Variants in MRAP2 observed in about 807,000 individuals in gnomAD.
The protein encoded by MRAP2 is melanocortin 2 receptor accessory protein 2.
A neutral mutation model predicts 17.4 loss-of-function variants in MRAP2; 20 were observed. The ratio of observed to expected loss-of-function variants is 1.15; its 90% CI spans 0.81 to 1.67. The LOEUF (loss-of-function observed/expected upper bound fraction) is 1.67, where lower values mean the gene tolerates loss of function less well. MRAP2 is among the 40% of genes most tolerant of loss of function. MRAP2 has a pLI of 0.00. For missense variants in MRAP2, 238 were observed against 240.0 expected, an observed-to-expected ratio of 0.99 and a Z score of 0.05; for synonymous variants, 96 against 88.4, an observed-to-expected ratio of 1.09 and a Z score of -0.48.
At chr6:84,099,433 G>C in the MRAP2 span, among the ~76,000 whole-genome samples, 6 of 152,052 alleles carry the variant, frequency 3.9e-5, no homozygotes, top group Non-Finnish European at 7.4e-5. Flanking sequence ...ATATAGTCTG[G>C]ATATTTGCCC....
At chr6:84,081,898 G>C (rs1176631921) in intron 3 of MRAP2, among the ~76,000 whole-genome samples, 2 of 152,194 alleles carry the variant, frequency 1.3e-5, no homozygotes, top group Non-Finnish European at 2.9e-5. Flanking sequence ...TGTAAGATGT[G>C]CCTTGCTTTC....
intron 3 of MRAP2, chr6:84,063,464 T>A: frequency 1.0e-6 from 1 of 969,264 alleles, no homozygotes; most frequent in Non-Finnish European, 1.2e-6. Flanking sequence ...TTAATAAATT[T>A]AACAGAGTTT....
At chr6:84,079,551 A>T (rs2099498442) in intron 3 of MRAP2, among the ~76,000 whole-genome samples, 1 of 152,214 alleles carries the variant, frequency 6.6e-6, no homozygotes, top group Non-Finnish European at 1.5e-5. Flanking sequence ...TGGTATGTAA[A>T]CTTTACCCAT....
chr6:84,132,053 T>C, the MRAP2 span, among the ~76,000 whole-genome samples: 1 of 152,178 alleles, frequency 6.6e-6, no homozygotes, highest in African/African-American at 2.4e-5. Context: ...ACAAAATCTC[T>C]CAGCACTTGC....
Position 84,039,954 on chromosome 6 carries a change from C to CAA in MRAP2, c.-8+6071_-8+6072insAA, listed in dbSNP as rs202008434. Among the ~76,000 whole-genome samples, 939 of 152,176 alleles carry CAA rather than the reference C, an allele frequency of 6.2e-3. 15 individuals are homozygous for CAA. The highest frequency in any genetic ancestry group is 0.021 in the African/African-American group (881 of 41,536). Reference sequence around the variant, plus strand: ...TATCTTCTGTGGGGAAAAAAAGAAACGAGAGAGAAAGAAACAAATTTAAGA... The same window carrying CAA: ...TATCTTCTGTGGGGAAAAAAAGAAACAAGAGAGAGAAAGAAACAAATTTAAGA... On this transcript the variant is annotated intron_variant, in intron 1 of 3. Transcript: ENST00000257776.
intron 1 of MRAP2, among the ~76,000 whole-genome samples, chr6:84,038,305 G>C (rs1389272003): frequency 6.6e-6 from 1 of 152,166 alleles, no homozygotes; most frequent in African/African-American, 2.4e-5. Flanking sequence ...TGTGAAACTA[G>C]CTAGCAGTTG....
At chr6:84,076,097 T>C (rs1013818138) in intron 3 of MRAP2, among the ~76,000 whole-genome samples, 1 of 152,116 alleles carries the variant, frequency 6.6e-6, no homozygotes, top group Non-Finnish European at 1.5e-5. Context: ...GGTCTCACTC[T>C]GTCACCCAGG....
chr6:84,135,872 C>CA, the MRAP2 span, among the ~76,000 whole-genome samples: 1 of 152,078 alleles, frequency 6.6e-6, no homozygotes, highest in East Asian at 1.9e-4. Flanking sequence ...AAAAAAACAA[C>CA]AAAAAAATGA....
At chr6:84,143,653 C>T in the MRAP2 span, among the ~76,000 whole-genome samples, 5 of 151,814 alleles carry the variant, frequency 3.3e-5, no homozygotes, top group Admixed American at 6.6e-5. Flanking sequence ...TGAGAATGCA[C>T]GAATATCTTG....
intron 1 of MRAP2, among the ~76,000 whole-genome samples, chr6:84,044,725 C>T (rs1351796239): frequency 6.6e-6 from 1 of 152,156 alleles, no homozygotes; most frequent in Non-Finnish European, 1.5e-5. Flanking sequence ...CTTTAAAGGC[C>T]CTATGTCCAA....
At chr6:84,093,826 T>C (rs2099502200), downstream of MRAP2, among the ~76,000 whole-genome samples, 1 of 152,242 alleles carries the variant, frequency 6.6e-6, no homozygotes, top group Non-Finnish European at 1.5e-5. Context: ...AGTCTAAGTA[T>C]GCATATGGGG....
At chr6:84,112,424 G>T in the MRAP2 span, among the ~76,000 whole-genome samples, 1 of 152,108 alleles carries the variant, frequency 6.6e-6, no homozygotes, top group African/African-American at 2.4e-5. Context: ...ATGGTAGTTT[G>T]TATTTCTGTG....
intron 2 of MRAP2, 122 bp downstream of exon 2, chr6:84,055,567 C>T: frequency 1.0e-6 from 1 of 955,304 alleles, no homozygotes. Flanking sequence ...CCTCTACCTC[C>T]CAAATTCTAC....
chr6:84,074,061 C>T (rs554806108), intron 3 of MRAP2, among the ~76,000 whole-genome samples: 1 of 152,128 alleles, frequency 6.6e-6, no homozygotes, highest in Admixed American at 6.5e-5. Context: ...GGGCTCAGAG[C>T]ATCCCTCAGT....
chr6:84,124,796 C>G, the MRAP2 span: 3 of 393,770 alleles, frequency 7.6e-6, no homozygotes, highest in African/African-American at 6.4e-5. Flanking sequence ...TCTTTTCTTT[C>G]TATTTCTAGC....
chr6:84,110,727 G>A, the MRAP2 span, among the ~76,000 whole-genome samples: 1 of 152,154 alleles, frequency 6.6e-6, no homozygotes, highest in East Asian at 1.9e-4. Flanking sequence ...TGCTTTTATG[G>A]TTTTAGGTCT....
At chr6:84,111,285 T>A in the MRAP2 span, among the ~76,000 whole-genome samples, 1 of 152,180 alleles carries the variant, frequency 6.6e-6, no homozygotes, top group African/African-American at 2.4e-5. Flanking sequence ...TTTTCTTGAG[T>A]GGTGGTTTGT....
chr6:84,082,800 C>T (rs1562890565), intron 3 of MRAP2, among the ~76,000 whole-genome samples: 1 of 152,014 alleles, frequency 6.6e-6, no homozygotes, highest in East Asian at 1.9e-4. Flanking sequence ...TCATAGTACC[C>T]ACTCCCCCAC....
At chr6:84,076,861 G>T (rs1057019847) in intron 3 of MRAP2, among the ~76,000 whole-genome samples, 6 of 152,166 alleles carry the variant, frequency 3.9e-5, no homozygotes, top group South Asian at 2.1e-4. Flanking sequence ...ATAATCCAGA[G>T]CATTACTTGT....
Sources: allele counts gnomAD v4.1 joint callset (sites outside exome capture counted in the v4.1 genomes callset), GRCh38; gene constraint gnomAD v4.1.1; transcripts MANE v1.5; gene names NCBI Gene and HGNC (gene_info 2026-07-23, HGNC 2026-07-21).